The following AFTPH variants were observed in gnomAD, a reference collection of about 807,000 sequenced individuals.
AFTPH encodes aftiphilin protein.
AFTPH carries 7 observed loss-of-function variants against 72.5 expected under a neutral mutation model. The ratio of observed to expected loss-of-function variants is 0.10; its 90% CI spans 0.05 to 0.18. AFTPH has a LOEUF of 0.18. Among genes scored for constraint, AFTPH ranks in the 10% least tolerant of loss-of-function variants. AFTPH has a pLI of 1.00. For missense variants in AFTPH, 979 were observed against 1,060.5 expected (o/e 0.92, Z 1.07); for synonymous variants, 337 against 370.1 (o/e 0.91, Z 1.03).
intron 3 of AFTPH, among the ~76,000 whole-genome samples, 187 bp downstream of exon 3, chr2:64,567,900 G>A (rs1672181571): frequency 6.6e-6 from 1 of 151,990 alleles, no homozygotes; most frequent in Non-Finnish European, 1.5e-5. Flanking sequence ...AAATTAGCAG[G>A]GTATGGTGGC....
chr2:64,562,447 A>T (rs534184069), intron 2 of AFTPH, among the ~76,000 whole-genome samples: 1 of 151,846 alleles, frequency 6.6e-6, no homozygotes, highest in Middle Eastern at 3.2e-3. Flanking sequence ...AGCTCTTGCA[A>T]TTTTTAGAAA....
chr2:64,557,045 T>A (rs997432825), intron 2 of AFTPH, among the ~76,000 whole-genome samples: 1 of 152,244 alleles, frequency 6.6e-6, no homozygotes, highest in Admixed American at 6.5e-5. Context: ...TCCTTACATT[T>A]CAAAGCAGTC....
intron 1 of AFTPH, among the ~76,000 whole-genome samples, chr2:64,548,260 G>T (rs1386453513): frequency 6.9e-6 from 1 of 145,960 alleles, no homozygotes. Context: ...GGGCGCGGTG[G>T]CGGGCGCCTG....
At chr2:64,548,102 T>C (rs1670763645) in intron 1 of AFTPH, among the ~76,000 whole-genome samples, 1 of 145,290 alleles carries the variant, frequency 6.9e-6, no homozygotes, top group South Asian at 2.3e-4. Flanking sequence ...CTTTTAAACT[T>C]TAGAAAAAGG....
At chr2:64,586,603 A>G (rs981199910) in intron 8 of AFTPH, among the ~76,000 whole-genome samples, 1 of 152,186 alleles carries the variant, frequency 6.6e-6, no homozygotes, top group Non-Finnish European at 1.5e-5. Flanking sequence ...TATGAAATAC[A>G]TTATTATACA....
intron 1 of AFTPH, among the ~76,000 whole-genome samples, chr2:64,526,305 G>A (rs914783128): frequency 6.6e-6 from 1 of 152,156 alleles, no homozygotes; most frequent in African/African-American, 2.4e-5. Flanking sequence ...TGACATTTGA[G>A]TACCAAATAA....
chr2:64,544,299 C>T (rs1478402640), intron 1 of AFTPH, among the ~76,000 whole-genome samples: 1 of 152,178 alleles, frequency 6.6e-6, no homozygotes, highest in Non-Finnish European at 1.5e-5. Context: ...TTATGAGACC[C>T]TCCTGTCAAC....
chr2:64,585,020 T>A (rs1399189366), intron 7 of AFTPH, among the ~76,000 whole-genome samples: 1 of 152,230 alleles, frequency 6.6e-6, no homozygotes, highest in African/African-American at 2.4e-5. Context: ...GGAAAATTTT[T>A]AAAATGAGAT....
chr2:64,575,420 G>A (rs952913467), intron 6 of AFTPH, among the ~76,000 whole-genome samples: 10 of 152,050 alleles, frequency 6.6e-5, no homozygotes, highest in Non-Finnish European at 1.0e-4. Context: ...GAGCCCAGGA[G>A]TTCGAGACCA....
chr2:64,580,893 A>C (rs185675584), intron 7 of AFTPH: 5 of 192,758 alleles, frequency 2.6e-5, no homozygotes, highest in Non-Finnish European at 5.3e-5. Flanking sequence ...TCTTTCTGGT[A>C]TGGCTTCCAG....
At chr2:64,528,814 T>G (rs1669434667) in intron 1 of AFTPH, among the ~76,000 whole-genome samples, 1 of 152,182 alleles carries the variant, frequency 6.6e-6, no homozygotes, top group Admixed American at 6.5e-5. Context: ...CTTACAGAAA[T>G]TCTAATGACT....
chr2:64,551,217 G>A (rs1009985725), intron 1 of AFTPH, among the ~76,000 whole-genome samples: 1 of 151,708 alleles, frequency 6.6e-6, no homozygotes, highest in African/African-American at 2.4e-5. Flanking sequence ...TAGTCTAAGA[G>A]AACTTTTTTT....
chr2:64,562,182 A>G (rs1671783352), intron 2 of AFTPH, among the ~76,000 whole-genome samples: 1 of 152,174 alleles, frequency 6.6e-6, no homozygotes, highest in Non-Finnish European at 1.5e-5. Context: ...CAAGCATAAT[A>G]TGGTATATGG....
At chr2:64,582,923 C>T (rs897317659) in intron 7 of AFTPH, among the ~76,000 whole-genome samples, 3 of 152,090 alleles carry the variant, frequency 2.0e-5, no homozygotes, top group African/African-American at 4.8e-5. Flanking sequence ...GAAGAGCAAG[C>T]GGTTTCAGAA....
chr2:64,553,252 C>A (rs1309477168), exon 2 of AFTPH: 10 of 1,613,952 alleles, frequency 6.2e-6, no homozygotes, highest in Non-Finnish European at 6.8e-6. Context: ...GACCAGCAGG[C>A]TACTGAATCT....
intron 1 of AFTPH, among the ~76,000 whole-genome samples, chr2:64,545,997 A>G (rs868733674): frequency 3.9e-5 from 6 of 152,044 alleles, no homozygotes; most frequent in East Asian, 3.9e-4. Context: ...GGTTCAAGCA[A>G]TTCTCCTGCT....
chr2:64,531,769 T>C (rs1463182972), intron 1 of AFTPH, among the ~76,000 whole-genome samples: 2 of 152,212 alleles, frequency 1.3e-5, no homozygotes, highest in Non-Finnish European at 2.9e-5. Context: ...ATATTGTGGA[T>C]ACTTTGGGTT....
chr2:64,559,116 A>G (rs948096147), intron 2 of AFTPH, among the ~76,000 whole-genome samples: 2 of 152,242 alleles, frequency 1.3e-5, no homozygotes, highest in African/African-American at 4.8e-5. Context: ...AGGCATTTGA[A>G]TGGCATAAGA....
intron 8 of AFTPH, among the ~76,000 whole-genome samples, chr2:64,591,013 C>G (rs1673795391): frequency 1.3e-5 from 2 of 152,174 alleles, no homozygotes; most frequent in African/African-American, 4.8e-5. Context: ...GATTTTTGGT[C>G]TAAAGCGAAT....
Sources: gnomAD v4.1 joint callset for allele counts (sites outside exome capture counted in the v4.1 genomes callset) on GRCh38, gnomAD v4.1.1 for gene constraint, MANE v1.5 for transcripts, NCBI Gene and HGNC (gene_info 2026-07-23, HGNC 2026-07-21) for gene names.